HTR1F: variants seen among roughly 807,000 people sequenced by gnomAD.
HTR1F encodes the protein 5-hydroxytryptamine receptor 1F.
Under a neutral mutation model 24.0 loss-of-function variants are expected in HTR1F, and 17 were observed. The ratio of observed to expected loss-of-function variants is 0.71; its 90% CI spans 0.48 to 1.06. The LOEUF is 1.06. Among genes scored for constraint, HTR1F ranks in the 50% least tolerant of loss-of-function variants. HTR1F has a pLI of 0.00. For synonymous variants in HTR1F, 186 were observed against 156.8 expected (o/e 1.19, Z -1.39); for missense variants, 391 against 427.8 (o/e 0.91, Z 0.76).
chr3:87,948,664 G>A (rs1704767207), intron 2 of HTR1F, among the ~76,000 whole-genome samples: 1 of 151,846 alleles, frequency 6.6e-6, no homozygotes, highest in Admixed American at 6.6e-5. Context: ...CTTATTTTTT[G>A]TAGAGAGGGT....
At chr3:87,859,548 A>G (rs1705272253) in intron 2 of HTR1F, among the ~76,000 whole-genome samples, 1 of 152,184 alleles carries the variant, frequency 6.6e-6, no homozygotes, top group Non-Finnish European at 1.5e-5. Flanking sequence ...TATATTACCT[A>G]TGTGTCCTTG....
chr3:87,927,573 A>G (rs996614362), intron 2 of HTR1F, among the ~76,000 whole-genome samples: 5 of 152,176 alleles, frequency 3.3e-5, no homozygotes, highest in African/African-American at 1.2e-4. Flanking sequence ...CTAAATAATC[A>G]CATTTTATAG....
At chr3:87,892,671 T>C (rs1470234980) in intron 2 of HTR1F, among the ~76,000 whole-genome samples, 1 of 152,178 alleles carries the variant, frequency 6.6e-6, no homozygotes, top group African/African-American at 2.4e-5. Flanking sequence ...TCAACTTAGA[T>C]TCACTTGTGG....
chr3:87,963,762 G>C (rs1237824362), intron 2 of HTR1F, among the ~76,000 whole-genome samples: 1 of 152,088 alleles, frequency 6.6e-6, no homozygotes. Flanking sequence ...CTGAGGGTTA[G>C]AGATCTTAAC....
chr3:87,937,044 G>A (rs1704438158), intron 2 of HTR1F, among the ~76,000 whole-genome samples: 1 of 134,852 alleles, frequency 7.4e-6, no homozygotes, highest in Admixed American at 7.9e-5. Context: ...TCTACTAGAT[G>A]TACAAAGAAG....
chr3:87,944,611 A>G lies in HTR1F; in HGVS notation c.-42-46097A>G, dbSNP rs138673258. On this transcript the variant is annotated intron_variant, in intron 2 of 2. Coordinates refer to ENST00000319595, the MANE Select transcript of HTR1F (RefSeq NM_001322209.2). ...GGAAATCTGCTGGGTTAAGGGAATT[A>G]TCAGTGGTTGGTGTTAAATTACCTT... Among the ~76,000 whole-genome samples the G allele has an allele frequency of 2.7e-3, 406 of 152,340 alleles. 1 individual carries two copies. The highest frequency in any genetic ancestry group is 9.3e-3 in the African/African-American group (386 of 41,576).
intron 1 of HTR1F, among the ~76,000 whole-genome samples, chr3:87,803,624 T>C (rs1704029149): frequency 6.6e-6 from 1 of 152,160 alleles, no homozygotes; most frequent in Admixed American, 6.6e-5. Context: ...ATACAAAATA[T>C]GTACAATTCG....
intron 2 of HTR1F, among the ~76,000 whole-genome samples, chr3:87,875,880 C>T (rs1443260413): frequency 6.2e-5 from 9 of 146,178 alleles, no homozygotes; most frequent in South Asian, 2.2e-4. Context: ...GCCAAGATCA[C>T]GCTACTGCAC....
At chr3:87,869,956 C>T (rs1259548725) in intron 2 of HTR1F, among the ~76,000 whole-genome samples, 2 of 151,980 alleles carry the variant, frequency 1.3e-5, no homozygotes, top group Non-Finnish European at 2.9e-5. Flanking sequence ...AAATAAGATA[C>T]AATTCTCAGT....
At chr3:87,987,513 C>T (rs1406695482) in intron 2 of HTR1F, among the ~76,000 whole-genome samples, 1 of 150,868 alleles carries the variant, frequency 6.6e-6, no homozygotes, top group Non-Finnish European at 1.5e-5. Context: ...GCATAACTTT[C>T]ATATCAACTG....
intron 2 of HTR1F, among the ~76,000 whole-genome samples, chr3:87,980,239 C>T (rs754610968): frequency 3.9e-5 from 6 of 152,174 alleles, no homozygotes; most frequent in Non-Finnish European, 8.8e-5. Context: ...GAGTGGGTAG[C>T]TCCTATCTGC....
intron 2 of HTR1F, among the ~76,000 whole-genome samples, chr3:87,904,567 C>A (rs1703615254): frequency 6.6e-6 from 1 of 151,902 alleles, no homozygotes; most frequent in African/African-American, 2.4e-5. Context: ...TTATTTCATG[C>A]AACAATATGA....
intron 2 of HTR1F, among the ~76,000 whole-genome samples, chr3:87,937,083 CAAAAAAA>C (rs35169317): frequency 5.3e-5 from 6 of 113,916 alleles, no homozygotes; most frequent in Non-Finnish European, 1.1e-4. Context: ...TGAAACTACC[CAAAAAAA>C]AAAAAAAAAA....
chr3:87,947,781 C>T (rs1704743305), intron 2 of HTR1F, among the ~76,000 whole-genome samples: 1 of 84,300 alleles, frequency 1.2e-5, no homozygotes, highest in South Asian at 4.9e-4. Flanking sequence ...AAATATTAAT[C>T]ATCTTTATAT....
intron 2 of HTR1F, among the ~76,000 whole-genome samples, chr3:87,884,572 A>G (rs991796490): frequency 1.3e-5 from 2 of 152,182 alleles, no homozygotes; most frequent in African/African-American, 4.8e-5. Flanking sequence ...ATAAAGAGTC[A>G]AGACTCATCA....
intron 2 of HTR1F, among the ~76,000 whole-genome samples, chr3:87,942,342 C>T (rs184699343): frequency 1.3e-5 from 2 of 152,048 alleles, no homozygotes; most frequent in African/African-American, 2.4e-5. Flanking sequence ...GACAGTTGTC[C>T]GGGACAGGAG....
intron 2 of HTR1F, among the ~76,000 whole-genome samples, chr3:87,985,787 A>C (rs550567246): frequency 1.2e-3 from 176 of 152,350 alleles, no homozygotes; most frequent in African/African-American, 4.2e-3. Context: ...GAATTAAACT[A>C]TGCGGCTAGG....
intron 2 of HTR1F, among the ~76,000 whole-genome samples, chr3:87,953,827 A>G (rs1373900312): frequency 6.6e-6 from 1 of 151,876 alleles, no homozygotes; most frequent in African/African-American, 2.4e-5. Flanking sequence ...AATGTGGTAA[A>G]TATACATAAT....
At chr3:87,801,996 T>C (rs144148264) in intron 1 of HTR1F, among the ~76,000 whole-genome samples, 449 of 137,514 alleles carry the variant, frequency 3.3e-3, no homozygotes, top group African/African-American at 0.014. Context: ...TTTCCTTCCT[T>C]CCTTTCTTCC....
Sources: allele counts gnomAD v4.1 joint callset (sites outside exome capture counted in the v4.1 genomes callset), GRCh38; gene constraint gnomAD v4.1.1; transcripts MANE v1.5; gene names NCBI Gene and HGNC (gene_info 2026-07-23, HGNC 2026-07-21).